The following NUP210 variants were observed in gnomAD, a reference collection of about 807,000 sequenced individuals.
The protein encoded by NUP210 is nucleoporin 210.
Under a neutral mutation model 196.0 loss-of-function variants are expected in NUP210, and 151 were observed. That is an observed-to-expected ratio of 0.77 (90% CI 0.67 to 0.88). NUP210 has a LOEUF of 0.88. NUP210 is among the 40% of genes least tolerant of loss of function. The probability of loss-of-function intolerance (pLI) is 0.00; values close to 1 mark genes in which losing one functional copy is unlikely to be tolerated. For synonymous variants in NUP210, 1,070 were observed against 1,052.7 expected (o/e 1.02, Z -0.32); for missense variants, 2,314 against 2,493.7 (o/e 0.93, Z 1.53).
chr3:13,353,833 C>T, intron 17 of NUP210, 82 bp downstream of exon 17: 2 of 1,391,194 alleles, frequency 1.4e-6, no homozygotes, highest in Non-Finnish European at 2.0e-6. Context: ...ACTAAGCTCC[C>T]ACAGGCACTG....
intron 2 of NUP210, 148 bp downstream of exon 2, chr3:13,399,576 TG>T: frequency 2.0e-6 from 2 of 980,644 alleles, no homozygotes; most frequent in South Asian, 1.5e-5. Context: ...TGTTGCCTGC[TG>T]GGTGCCTGTC....
At chr3:13,319,423 G>T (rs1696414898) in intron 37 of NUP210, 98 bp from the exon 38 acceptor site, 3 of 1,018,728 alleles carry the variant, frequency 2.9e-6, no homozygotes, top group African/African-American at 3.2e-5. Context: ...GCAGTCCACA[G>T]GTCCCTCTTA....
Position 13,317,255 on chromosome 3 carries a change from A to G in NUP210, c.*426T>C, listed in dbSNP as rs567973363. ...GGAAAAACCCCACCAAAAACCCCCT[A>G]AAGTAACTGGACAATCCTTTCCCTG... On this transcript the variant is annotated 3_prime_UTR_variant, in exon 40 of 40. Transcript: ENST00000254508. 11 of 186,308 alleles carry G rather than the reference A, an allele frequency of 5.9e-5. No individual in the cohort carries two copies. The highest frequency in any genetic ancestry group is 5.7e-4 in the South Asian group (6 of 10,544). The allele number at this position is 186,308 out of a possible 1,614,324, so 11.5% of individuals were successfully genotyped here. A position where few individuals can be genotyped will look rare whatever the true frequency, so the allele number is the denominator to read the frequency against.
Position 13,391,219 on chromosome 3 carries a change from A to C in NUP210, c.525T>G (p.Asn175Lys). The part of the protein sequence containing the change: ...SEADRFSDSH[N>K]ALRILTFLES... ...GCAGAGGCACCCCTTACCGCAGCGC[A>C]TTGTGGGAGTCTGAGAACCTGTCCG... The change falls in exon 4 of 40, where the codon AAT (asparagine) becomes AAG (lysine). Residue 175 changes from asparagine (N) to lysine (K), a missense_variant. Asn to Lys is a moderately conservative substitution (Grantham distance 94). Transcript: ENST00000254508. 6.2e-7 allele frequency: 1 copy of C among 1,611,726 alleles called. No individual in the cohort carries two copies. Among genetic ancestry groups the C allele is most frequent in the Non-Finnish European group, 8.5e-7 (1 of 1,178,786 alleles).
rs964853929 is a variant in NUP210, at chr3:13,354,268, C to G, written c.2329-161G>C. On this transcript the variant is annotated intron_variant, in intron 16 of 39. Coordinates refer to ENST00000254508, the MANE Select transcript of NUP210 (RefSeq NM_024923.4). ...AAGCAATCCTCACTATTGCCACCCA[C>G]CAGGTCCCCCCATGGCCCTGTCCAA... The G allele has an allele frequency of 2.5e-5, 16 of 637,578 alleles. No individual in the cohort carries two copies. The African/African-American group carries it at 2.6e-4, about 10-fold the overall frequency. The allele number at this position is 637,578 out of a possible 1,614,324, so 39.5% of individuals were successfully genotyped here.
At chr3:13,352,324 C>T in intron 18 of NUP210, 140 bp from the exon 19 acceptor site, 1 of 629,446 alleles carries the variant, frequency 1.6e-6, no homozygotes, top group Admixed American at 2.8e-5. Flanking sequence ...GCAGAATGGC[C>T]ACAGACCCTT....
chr3:13,403,597 C>T (rs568289979), intron 1 of NUP210, among the ~76,000 whole-genome samples: 1 of 152,192 alleles, frequency 6.6e-6, no homozygotes, highest in Non-Finnish European at 1.5e-5. Context: ...GAGGCCTGGC[C>T]TCCTGGTGGA....
chr3:13,397,622 C>T (rs1699705874), intron 2 of NUP210, 134 bp from the exon 3 acceptor site: 3 of 894,798 alleles, frequency 3.4e-6, no homozygotes, highest in South Asian at 4.6e-5. Context: ...CAAGCAGCTG[C>T]CTCACACATG....
intron 13 of NUP210, among the ~76,000 whole-genome samples, chr3:13,370,936 C>A (rs1047300033): frequency 1.3e-5 from 2 of 152,262 alleles, no homozygotes; most frequent in African/African-American, 4.8e-5. Flanking sequence ...CTCCAAAACA[C>A]GCTGTGATTC....
chr3:13,330,849 C>T (rs954808997), intron 29 of NUP210, among the ~76,000 whole-genome samples: 3 of 152,172 alleles, frequency 2.0e-5, no homozygotes, highest in Non-Finnish European at 4.4e-5. Context: ...CCAATGGTTC[C>T]GAGCAAAGTG....
chr3:13,365,037 C>T lies in NUP210; in HGVS notation c.1932+909G>A, dbSNP rs1008908711. Among the ~76,000 whole-genome samples the T allele has an allele frequency of 5.3e-5, 8 of 152,092 alleles. 1 individual carries two copies. Among genetic ancestry groups the T allele is most frequent in the South Asian group, 2.1e-4 (1 of 4,826 alleles). On this transcript the variant is annotated intron_variant, in intron 14 of 39. Transcript: ENST00000254508. ...TCCCCTAGGACTGCTCTCCAGCCCT[C>T]CCTGGAAGGAGGAGCAGGAACTCCC...
chr3:13,403,292 T>A (rs1221754189), intron 1 of NUP210, among the ~76,000 whole-genome samples: 1 of 152,202 alleles, frequency 6.6e-6, no homozygotes, highest in Non-Finnish European at 1.5e-5. Context: ...TCAGCTGGCA[T>A]ACTAGGTGTC....
intron 18 of NUP210, among the ~76,000 whole-genome samples, chr3:13,353,259 G>C (rs1012561647): frequency 6.6e-6 from 1 of 152,164 alleles, no homozygotes; most frequent in Admixed American, 6.5e-5. Flanking sequence ...TGTACCTGCT[G>C]CCTCCACCTT....
In NUP210 at chr3:13,340,708, G is replaced by A. The variant is rs1446760970; in HGVS notation, c.3229-410C>T. On this transcript the variant is annotated intron_variant, in intron 23 of 39. Transcript: ENST00000254508. The surrounding 1 kb of genome is among the most constrained non-coding windows in gnomAD (Gnocchi z 4.0). ...CAGCCCCAGCCACCTGGCCTGTGGA[G>A]CCAGGGGTGGCCCCACAGGACAGCC... Among the ~76,000 whole-genome samples, 2 of 152,124 alleles carry A rather than the reference G, an allele frequency of 1.3e-5. No homozygotes were observed. The highest frequency in any genetic ancestry group is 3.9e-4 in the East Asian group (2 of 5,166).
chr3:13,413,334 G>C (rs879652850), intron 1 of NUP210, among the ~76,000 whole-genome samples: 2 of 151,970 alleles, frequency 1.3e-5, no homozygotes, highest in Non-Finnish European at 2.9e-5. Flanking sequence ...GCCGGGCGTG[G>C]TGGCAGGCGC....
At chr3:13,336,674 G>C in intron 27 of NUP210, 113 bp downstream of exon 27, 1 of 1,194,618 alleles carries the variant, frequency 8.4e-7, no homozygotes, top group Non-Finnish European at 1.2e-6. Flanking sequence ...GCCTCTCTAG[G>C]TGTGAGGGTG....
At chr3:13,324,697 G>T (rs1235469125) in intron 33 of NUP210, among the ~76,000 whole-genome samples, 1 of 152,196 alleles carries the variant, frequency 6.6e-6, no homozygotes, top group African/African-American at 2.4e-5. Context: ...TTACCCTGTA[G>T]CGACTGCTCT....
intron 6 of NUP210, among the ~76,000 whole-genome samples, chr3:13,381,420 CTTT>C (rs10644995): frequency 1.5e-5 from 2 of 134,432 alleles, no homozygotes; most frequent in African/African-American, 2.8e-5. Context: ...CTTTTCTTTT[CTTT>C]TTTTTTTTTT....
In NUP210 at chr3:13,319,234, G is replaced by T; in HGVS notation, c.5475C>A (p.Ile1825=). The change falls in exon 38 of 40, where the codon ATC becomes ATA. Residue 1825 remains isoleucine (I), a synonymous_variant. Transcript: ENST00000254508. ...AGATACAGGCAGCCTCCTCACCTAT[G>T]ATCATGACCGCTGTCCCAGCCAACA... ...FALLAGTAVM[I]IAYHTVCTPR... 6.2e-7 allele frequency: 1 copy of T among 1,612,996 alleles called. No individual in the cohort carries two copies. The highest frequency in any genetic ancestry group is 8.5e-7 in the Non-Finnish European group (1 of 1,179,524).
Sources: gnomAD v4.1 joint callset for allele counts (sites outside exome capture counted in the v4.1 genomes callset) on GRCh38, gnomAD v4.1.1 for gene constraint, Gnocchi (gnomAD v3.1) non-coding constraint, MANE v1.5 for transcripts, NCBI Gene and HGNC (gene_info 2026-07-23, HGNC 2026-07-21) for gene names.